Variants in LRRC37A2 observed in about 807,000 individuals in gnomAD.
LRRC37A2 encodes leucine-rich repeat-containing protein 37A2.
LRRC37A2 carries 9 observed loss-of-function variants against 68.8 expected under a neutral mutation model. That is an observed-to-expected ratio of 0.13 (90% CI 0.08 to 0.23). The LOEUF is 0.23. Among genes scored for constraint, LRRC37A2 ranks in the 10% least tolerant of loss-of-function variants. The pLI, the probability that LRRC37A2 is intolerant of heterozygous loss-of-function variation, is 1.00. For missense variants in LRRC37A2, 168 were observed against 950.4 expected (o/e 0.18, Z 10.82); for synonymous variants, 63 against 367.6 (o/e 0.17, Z 9.48).
At chr17:46,763,873 G>A in the LRRC37A2 span, 1 of 148,488 alleles carries the variant, frequency 6.7e-6, no homozygotes, top group Non-Finnish European at 1.5e-5. Flanking sequence ...AAACTGCATT[G>A]ACGGTGGAAA....
At chr17:46,816,504 CACACACACACACCT>C in the LRRC37A2 span, among the ~76,000 whole-genome samples, 3 of 145,396 alleles carry the variant, frequency 2.1e-5, no homozygotes, top group Admixed American at 2.2e-4. Context: ...CACACACACA[CACACACACACACCT>C]CTCTCCTTGG....
chr17:46,976,242 AAG>A, the LRRC37A2 span, among the ~76,000 whole-genome samples: 1 of 150,610 alleles, frequency 6.6e-6, no homozygotes, highest in African/African-American at 2.4e-5. Context: ...GTTTTTAAAA[AAG>A]AAATTTGGCT....
the LRRC37A2 span, chr17:46,872,509 C>A: frequency 6.8e-7 from 1 of 1,476,738 alleles, no homozygotes; most frequent in South Asian, 1.4e-5. Context: ...TCCTCTCGCT[C>A]TCTCTAGCCT....
At chr17:46,891,842 G>A in the LRRC37A2 span, among the ~76,000 whole-genome samples, 1 of 151,648 alleles carries the variant, frequency 6.6e-6, no homozygotes, top group East Asian at 1.9e-4. Flanking sequence ...TCTGTTTCTA[G>A]TGAAGGTTAA....
At chr17:46,963,507 G>C in the LRRC37A2 span, among the ~76,000 whole-genome samples, 2 of 148,788 alleles carry the variant, frequency 1.3e-5, no homozygotes, top group East Asian at 3.9e-4. Flanking sequence ...ATCACACCAC[G>C]CACTCCAGCC....
chr17:46,806,567 T>C, the LRRC37A2 span, among the ~76,000 whole-genome samples: 1 of 152,300 alleles, frequency 6.6e-6, no homozygotes, highest in Non-Finnish European at 1.5e-5. Flanking sequence ...TCGAGGCTGC[T>C]TTAGCTTCCA....
chr17:46,711,758 C>G, the LRRC37A2 span, among the ~76,000 whole-genome samples: 1 of 152,148 alleles, frequency 6.6e-6, no homozygotes, highest in Non-Finnish European at 1.5e-5. Flanking sequence ...CTAACTACCT[C>G]TAAAGGTCTG....
At chr17:47,032,483 G>C in the LRRC37A2 span, among the ~76,000 whole-genome samples, 1 of 152,250 alleles carries the variant, frequency 6.6e-6, no homozygotes, top group Admixed American at 6.5e-5. Flanking sequence ...TAGTTCTCCT[G>C]TAATAGGAGC....
At chr17:46,918,734 A>T in the LRRC37A2 span, among the ~76,000 whole-genome samples, 1 of 151,754 alleles carries the variant, frequency 6.6e-6, no homozygotes, top group African/African-American at 2.4e-5. Flanking sequence ...CCTCCCTCCT[A>T]CAGAATGAAG....
At chr17:46,849,659 G>A in the LRRC37A2 span, among the ~76,000 whole-genome samples, 1 of 152,146 alleles carries the variant, frequency 6.6e-6, no homozygotes, top group Admixed American at 6.5e-5. Context: ...GATCAGAAAC[G>A]ATGCCACATT....
At chr17:46,779,766 T>C in the LRRC37A2 span, among the ~76,000 whole-genome samples, 1 of 152,258 alleles carries the variant, frequency 6.6e-6, no homozygotes, top group South Asian at 2.1e-4. Flanking sequence ...GGACCTTTTT[T>C]TTTCTTTTTT....
At chr17:47,042,959 A>G in the LRRC37A2 span, among the ~76,000 whole-genome samples, 2 of 149,646 alleles carry the variant, frequency 1.3e-5, no homozygotes, top group African/African-American at 4.9e-5. Flanking sequence ...ACCCAGGACA[A>G]GTTATATAAC....
the LRRC37A2 span, among the ~76,000 whole-genome samples, chr17:46,727,399 T>G: frequency 9.2e-5 from 14 of 152,282 alleles, no homozygotes; most frequent in East Asian, 2.7e-3. Flanking sequence ...TCTATTGAAA[T>G]GGAAACCCAC....
the LRRC37A2 span, among the ~76,000 whole-genome samples, chr17:46,413,446 C>T: frequency 1.6e-5 from 1 of 63,114 alleles, no homozygotes; most frequent in Admixed American, 1.6e-4. Flanking sequence ...CATTCTGGCT[C>T]CCTGTCTTCC....
the LRRC37A2 span, among the ~76,000 whole-genome samples, chr17:46,753,336 G>A: frequency 1.3e-5 from 2 of 152,182 alleles, no homozygotes; most frequent in South Asian, 4.1e-4. Context: ...AACGTGAAGT[G>A]AATGCTTTTT....
the LRRC37A2 span, among the ~76,000 whole-genome samples, chr17:46,915,152 T>C: frequency 6.6e-6 from 1 of 152,334 alleles, no homozygotes; most frequent in East Asian, 1.9e-4. Context: ...CTATTTCAGA[T>C]GGAGTCTACA....
the LRRC37A2 span, among the ~76,000 whole-genome samples, chr17:46,802,599 C>G: frequency 6.6e-6 from 1 of 152,136 alleles, no homozygotes; most frequent in Admixed American, 6.6e-5. Context: ...CAACCCTAAC[C>G]CCAACCCCAT....
At chr17:46,978,843 C>T in the LRRC37A2 span, 1 of 1,600,654 alleles carries the variant, frequency 6.2e-7, no homozygotes, top group South Asian at 1.1e-5. Context: ...CGTCGGGCGC[C>T]AGCCCCGCGG....
At chr17:46,938,784 C>G in the LRRC37A2 span, 1 of 1,613,372 alleles carries the variant, frequency 6.2e-7, no homozygotes, top group South Asian at 1.1e-5. Context: ...AGTGGCTGAA[C>G]AGCATTCCCA....
Sources: allele counts gnomAD v4.1 joint callset (sites outside exome capture counted in the v4.1 genomes callset), GRCh38; gene constraint gnomAD v4.1.1; transcripts MANE v1.5; gene names NCBI Gene and HGNC (gene_info 2026-07-23, HGNC 2026-07-21).